SMO: variants seen among roughly 807,000 people sequenced by gnomAD.
The protein encoded by SMO is smoothened, frizzled class receptor, also known as protein smoothened.
Under a neutral mutation model 81.6 loss-of-function variants are expected in SMO, and 40 were observed. The ratio of observed to expected loss-of-function variants is 0.49; its 90% CI spans 0.38 to 0.64. The LOEUF is 0.64. SMO is among the 30% of genes least tolerant of loss of function. SMO has a pLI of 0.00. For missense variants in SMO, 916 were observed against 1,061.1 expected (o/e 0.86, Z 1.90); for synonymous variants, 434 against 432.1 (o/e 1.00, Z -0.05).
chr7:129,200,023 T>C (rs1028316144), intron 1 of SMO, among the ~76,000 whole-genome samples: 3 of 152,258 alleles, frequency 2.0e-5, no homozygotes, highest in African/African-American at 7.2e-5. Context: ...ACTTTTCTTA[T>C]GATTTTTGTA....
rs1344866154 is a variant in SMO, at chr7:129,211,235, C to A, written c.1801+122C>A. Reference sequence around the variant, plus strand: ...GACCGACTGTGAGGAGCAAGGCGCTCCCTCCATCGCTCACACACCCATTCT... The same window carrying A: ...GACCGACTGTGAGGAGCAAGGCGCTACCTCCATCGCTCACACACCCATTCT... On this transcript the variant is annotated intron_variant, in intron 10 of 11. Coordinates refer to ENST00000249373, the MANE Select transcript of SMO (RefSeq NM_005631.5). The surrounding 1 kb of genome is among the most constrained non-coding windows in gnomAD (Gnocchi z 4.6). The A allele has an allele frequency of 4.8e-6, 5 of 1,046,486 alleles. No individual in the cohort carries two copies. Among genetic ancestry groups the A allele is most frequent in the African/African-American group, 4.7e-5 (3 of 63,810 alleles). 64.8% of individuals were successfully genotyped at this position (1,046,486 alleles called of 1,614,324 possible).
chr7:129,200,919 T>C (rs1186180837), intron 1 of SMO, among the ~76,000 whole-genome samples: 2 of 152,182 alleles, frequency 1.3e-5, no homozygotes, highest in Non-Finnish European at 2.9e-5. Flanking sequence ...TATTTTTTAG[T>C]AGAGACAGGG....
Position 129,209,397 on chromosome 7 carries a change from T to A in SMO, c.1466T>A (p.Leu489Gln). 1 of 1,601,880 alleles carries A rather than the reference T, an allele frequency of 6.2e-7. No individual in the cohort carries two copies. Among genetic ancestry groups the A allele is most frequent in the Non-Finnish European group, 8.6e-7 (1 of 1,168,838 alleles). ...GAGCGCAGCTTCCGGGACTATGTGC[T>A]GTGAGTGAGGGGCATGGAGGCGGCA... is the stretch of plus-strand genomic sequence containing the variant. ...EWERSFRDYV[L>Q]CQANVTIGLP... The change falls in exon 8 of 12, where the codon CTA becomes CAA. Residue 489 changes from leucine (L) to glutamine (Q), a missense_variant and splice_region_variant. Physicochemically the swap from Leu to Gln is moderately radical, Grantham distance 113 (BLOSUM62 -2). Coordinates refer to ENST00000249373, the MANE Select transcript of SMO (RefSeq NM_005631.5).
rs1793440586 is a variant in SMO, at chr7:129,189,054, G to A, written c.-98G>A. On this transcript the variant is annotated 5_prime_UTR_variant, in exon 1 of 12. The change abolishes the stop of an existing upstream ORF in the 5' untranslated region. Transcript: ENST00000249373. This position sits in a 1 kb window ranked among gnomAD's most constrained non-coding sequence, Gnocchi z 4.7. ...GATTCTCTGGGCGCACAGGTCGCCT[G>A]AGCCGCCTCCGCGGCCGCCGAGGTC... 2.7e-6 allele frequency: 3 copies of A among 1,121,656 alleles called. No individual in the cohort carries two copies. The highest frequency in any genetic ancestry group is 3.4e-6 in the Non-Finnish European group (3 of 894,948). 69.5% of individuals were successfully genotyped at this position (1,121,656 alleles called of 1,614,324 possible). A position where few individuals can be genotyped will look rare whatever the true frequency, so the allele number is the denominator to read the frequency against.
rs996938760 is a variant in SMO, at chr7:129,189,029, G to T, written c.-123G>T. On this transcript the variant is annotated 5_prime_UTR_variant, in exon 1 of 12. Transcript: ENST00000249373. The surrounding 1 kb of genome is among the most constrained non-coding windows in gnomAD (Gnocchi z 4.7). ...GAGCGTCCGGGGGGGCCCGGGCCCGGATTCTCTGGGCGCACAGGTCGCCTG... is the reference window on the plus strand; with the variant it reads ...GAGCGTCCGGGGGGGCCCGGGCCCGTATTCTCTGGGCGCACAGGTCGCCTG... 3 of 879,136 alleles carry T rather than the reference G, an allele frequency of 3.4e-6. No individual in the cohort carries two copies. Among genetic ancestry groups the T allele is most frequent in the Non-Finnish European group, 4.5e-6 (3 of 673,578 alleles). The allele number at this position is 879,136 out of a possible 1,614,324, so 54.5% of individuals were successfully genotyped here.
rs773304621 is a variant in SMO, at chr7:129,210,399, G to A, written c.1503G>A (p.Lys501=). 1.9e-6 allele frequency: 3 copies of A among 1,614,038 alleles called. No homozygotes were observed. The highest frequency in any genetic ancestry group is 1.3e-5 in the African/African-American group (1 of 74,936). The change falls in exon 9 of 12, where the codon AAG becomes AAA. Residue 501 remains lysine, a synonymous_variant. Transcript: ENST00000249373. This position sits in a 1 kb window ranked among gnomAD's most constrained non-coding sequence, Gnocchi z 4.7. ...QANVTIGLPT[K]QPIPDCEIKN... is the part of the protein sequence containing the mutation. The stretch of plus-strand genomic sequence containing the variant: ...ATGTGACCATCGGGCTGCCCACCAA[G>A]CAGCCCATCCCTGACTGTGAGATCA...
rs1793433552 is a variant in SMO, at chr7:129,188,739, G to GC, written c.-412dup. ...GGCGAAGGTGGCTGCTGGGCCGCGG[G>GC]CTGGCGCGGGGGCGGAGCCGGAGCT... On this transcript the variant is annotated 5_prime_UTR_variant, in exon 1 of 12. Coordinates refer to ENST00000249373, the MANE Select transcript of SMO (RefSeq NM_005631.5). This position sits in a 1 kb window ranked among gnomAD's most constrained non-coding sequence, Gnocchi z 4.9. 1 of 199,218 alleles carries GC rather than the reference G, an allele frequency of 5.0e-6. No individual in the cohort carries two copies. Among genetic ancestry groups the GC allele is most frequent in the Non-Finnish European group, 1.0e-5 (1 of 96,840 alleles). 12.3% of individuals were successfully genotyped at this position (199,218 alleles called of 1,614,324 possible).
rs377281317 is a variant in SMO at position 129,206,420 on chromosome 7, G to A, written c.1141-44G>A. ...ACCTGGATGGGGTGAGTTTGAGGGA[G>A]GGGGCCAGTAACCCACCTTCTGTCC... On this transcript the variant is annotated intron_variant, in intron 5 of 11. Transcript: ENST00000249373. The surrounding 1 kb of genome is among the most constrained non-coding windows in gnomAD (Gnocchi z 4.4). 4 of 1,613,832 alleles carry A rather than the reference G, an allele frequency of 2.5e-6. No individual in the cohort carries two copies. The highest frequency in any genetic ancestry group is 1.3e-5 in the African/African-American group (1 of 74,928).
At chr7:129,204,530 C>T (rs1334417700) in intron 2 of SMO, among the ~76,000 whole-genome samples, 1 of 151,802 alleles carries the variant, frequency 6.6e-6, no homozygotes, top group Admixed American at 6.6e-5. Context: ...CCTGTATTCT[C>T]AGCTACTTGG....
In SMO at chr7:129,208,009, C is replaced by T. The variant is rs1793802629; in HGVS notation, c.1265-750C>T. Among the ~76,000 whole-genome samples, 1 of 151,814 alleles carries T rather than the reference C, an allele frequency of 6.6e-6. No individual in the cohort carries two copies. The highest frequency in any genetic ancestry group is 1.9e-4 in the East Asian group (1 of 5,188). The stretch of plus-strand genomic sequence containing the variant: ...AGTGGGAAAAAAATGTAAAATATCT[C>T]ATTAATAATTTGTTACATGGATTAC... On this transcript the variant is annotated intron_variant, in intron 6 of 11. Coordinates refer to ENST00000249373, the MANE Select transcript of SMO (RefSeq NM_005631.5). The surrounding 1 kb of genome is among the most constrained non-coding windows in gnomAD (Gnocchi z 5.2).
intron 1 of SMO, among the ~76,000 whole-genome samples, chr7:129,195,470 C>T (rs1793557980): frequency 6.6e-6 from 1 of 152,080 alleles, no homozygotes; most frequent in African/African-American, 2.4e-5. Flanking sequence ...GCTTACTGGC[C>T]TTTAGGGTTT....
In SMO at chr7:129,211,284, G is replaced by C. The variant is rs1022416033; in HGVS notation, c.1801+171G>C. The C allele has an allele frequency of 3.8e-6, 3 of 799,480 alleles. No individual in the cohort carries two copies. In the Admixed American group the frequency reaches 6.0e-5, roughly 16 times the overall value. The allele number at this position is 799,480 out of a possible 1,614,324, so 49.5% of individuals were successfully genotyped here. On this transcript the variant is annotated intron_variant, in intron 10 of 11. Transcript: ENST00000249373. This position sits in a 1 kb window ranked among gnomAD's most constrained non-coding sequence, Gnocchi z 4.6. ...CTTCCCCCGGCCCCTCCTACCCTCT[G>C]GGGGGCTCTCCCCTCTCTGTTTCTG...
Position 129,210,464 on chromosome 7 carries a change from T to C in SMO, c.1568T>C (p.Phe523Ser). 6.2e-7 allele frequency: 1 copy of C among 1,614,130 alleles called. No homozygotes were observed. The highest frequency in any genetic ancestry group is 8.5e-7 in the Non-Finnish European group (1 of 1,179,974). Residue 523 changes from phenylalanine to serine, a missense_variant, in exon 9 of 12, where the codon TTT becomes TCT. Transcript: ENST00000249373. The surrounding 1 kb of genome is among the most constrained non-coding windows in gnomAD (Gnocchi z 4.7). The part of the protein sequence containing the change: ...PSLLVEKINL[F>S]AMFGTGIAMS... ...CTTCTGGTGGAGAAGATCAACCTGT[T>C]TGCCATGTTTGGAACTGGCATCGCC... is the stretch of plus-strand genomic sequence containing the variant.
In SMO at chr7:129,211,789, C is replaced by T. The variant is rs966705891; in HGVS notation, c.1936+19C>T. On this transcript the variant is annotated intron_variant, in intron 11 of 11. Transcript: ENST00000249373. This position sits in a 1 kb window ranked among gnomAD's most constrained non-coding sequence, Gnocchi z 4.6. ...ACTCCAGGTATGAGAGTTCAAGCTTCTGGAGGAAGGTGGGGGGAGCACAGA... is the reference window on the plus strand; with the variant it reads ...ACTCCAGGTATGAGAGTTCAAGCTTTTGGAGGAAGGTGGGGGGAGCACAGA... 6.2e-7 allele frequency: 1 copy of T among 1,613,816 alleles called. No individual in the cohort carries two copies. Among genetic ancestry groups the T allele is most frequent in the Non-Finnish European group, 8.5e-7 (1 of 1,179,880 alleles).
At chr7:129,202,293 G>A (rs144892281) in intron 1 of SMO, among the ~76,000 whole-genome samples, 126 of 152,252 alleles carry the variant, frequency 8.3e-4, no homozygotes, top group African/African-American at 2.9e-3. Context: ...CCAGGAAAGA[G>A]TGGAGCCAAG....
chr7:129,206,242 C>G lies in SMO; in HGVS notation c.1013C>G (p.Ala338Gly), dbSNP rs2150650045. ...GTTTGGTTTGTGGTCCTCACCTATG[C>G]CTGGCACACTTCCTTCAAAGCCCTG... ...GVVWFVVLTY[A>G]WHTSFKALGT... is the part of the protein sequence containing the mutation. Residue 338 changes from alanine (A) to glycine (G), a missense_variant, in exon 5 of 12, where the codon GCC (alanine) becomes GGC (glycine). Transcript: ENST00000249373. This position sits in a 1 kb window ranked among gnomAD's most constrained non-coding sequence, Gnocchi z 4.4. 1 of 1,614,170 alleles carries G rather than the reference C, an allele frequency of 6.2e-7. No individual in the cohort carries two copies. Among genetic ancestry groups the G allele is most frequent in the Non-Finnish European group, 8.5e-7 (1 of 1,180,002 alleles).
At chr7:129,209,664 T>TC in intron 8 of SMO, 1 of 423,660 alleles carries the variant, frequency 2.4e-6, no homozygotes, top group Non-Finnish European at 4.3e-6. Context: ...AGCAGCCAGT[T>TC]CAGCTTCGTC....
At chr7:129,195,892 G>A (rs1322670627) in intron 1 of SMO, among the ~76,000 whole-genome samples, 1 of 152,024 alleles carries the variant, frequency 6.6e-6, no homozygotes, top group African/African-American at 2.4e-5. Context: ...ACGAGGTCAG[G>A]AAGTCGAGAC....
At chr7:129,197,763 T>C (rs1793610424) in intron 1 of SMO, among the ~76,000 whole-genome samples, 4 of 152,148 alleles carry the variant, frequency 2.6e-5, no homozygotes, top group African/African-American at 9.7e-5. Flanking sequence ...GATGATCATA[T>C]GATTTTTTTC....
Sources: gnomAD v4.1 joint callset for allele counts (sites outside exome capture counted in the v4.1 genomes callset) on GRCh38, gnomAD v4.1.1 for gene constraint, Gnocchi (gnomAD v3.1) non-coding constraint, MANE v1.5 for transcripts, NCBI Gene and HGNC (gene_info 2026-07-23, HGNC 2026-07-21) for gene names.